The following CTNNA3 variants were observed in gnomAD, a reference collection of about 807,000 sequenced individuals.
CTNNA3 encodes catenin alpha-3.
Under a neutral mutation model 95.7 loss-of-function variants are expected in CTNNA3, and 76 were observed. That is an observed-to-expected ratio of 0.79 (90% CI 0.66 to 0.96). The LOEUF is 0.96. CTNNA3 is among the 40% of genes least tolerant of loss of function. The pLI, the probability that CTNNA3 is intolerant of heterozygous loss-of-function variation, is 0.00. For missense variants in CTNNA3, 1,191 were observed against 1,089.8 expected (o/e 1.09, Z -1.31); for synonymous variants, 431 against 374.4 (o/e 1.15, Z -1.74).
intron 14 of CTNNA3, 75 bp downstream of exon 14, chr10:66,103,082 G>C: frequency 8.4e-7 from 1 of 1,189,000 alleles, no homozygotes; most frequent in Non-Finnish European, 1.3e-6. Flanking sequence ...ATTAGAGGCT[G>C]CCTAGATTGA....
intron 5 of CTNNA3, among the ~76,000 whole-genome samples, chr10:67,319,538 C>T (rs79812098): frequency 0.027 from 4,164 of 152,170 alleles, 73 homozygotes; most frequent in Non-Finnish European, 0.042. Flanking sequence ...AAAAAAAGTG[C>T]TAATCATTGA....
chr10:67,045,058 T>A (rs1001014521), intron 7 of CTNNA3, among the ~76,000 whole-genome samples: 2 of 152,180 alleles, frequency 1.3e-5, no homozygotes, highest in Non-Finnish European at 2.9e-5. Flanking sequence ...AACAAGTTTA[T>A]AGATGCCAAA....
chr10:65,959,286 T>A (rs1183805269), intron 17 of CTNNA3, among the ~76,000 whole-genome samples: 1 of 152,138 alleles, frequency 6.6e-6, no homozygotes, highest in South Asian at 2.1e-4. Context: ...CCAGTTACCA[T>A]CTGTCACATC....
rs140741609 is a variant in CTNNA3 at position 67,317,050 on chromosome 10, T to G, written c.580-97180A>C. On this transcript the variant is annotated intron_variant, in intron 5 of 17. Transcript: ENST00000433211. Reference sequence around the variant, plus strand: ...TTCATTTCTTTATGCTTAAAAGCAGTAAATGTTTCAAAAACTGTAGATCTT... The same window carrying G: ...TTCATTTCTTTATGCTTAAAAGCAGGAAATGTTTCAAAAACTGTAGATCTT... Among the ~76,000 whole-genome samples the G allele has an allele frequency of 2.9e-3, 446 of 152,338 alleles. 3 individuals are homozygous for G. The highest frequency in any genetic ancestry group is 0.01 in the African/African-American group (419 of 41,592).
intron 7 of CTNNA3, among the ~76,000 whole-genome samples, chr10:66,940,910 A>T (rs1005818787): frequency 5.3e-5 from 8 of 152,244 alleles, no homozygotes; most frequent in African/African-American, 1.7e-4. Context: ...CAATAACAGT[A>T]TGCAGCCTGC....
intron 7 of CTNNA3, among the ~76,000 whole-genome samples, chr10:67,097,088 T>C (rs554917123): frequency 1.8e-4 from 27 of 152,008 alleles, no homozygotes; most frequent in Middle Eastern, 3.4e-3. Flanking sequence ...CCAGGACCTA[T>C]ACCAGACCTA....
intron 5 of CTNNA3, among the ~76,000 whole-genome samples, chr10:67,346,980 G>A (rs1400599230): frequency 6.6e-6 from 1 of 151,912 alleles, no homozygotes; most frequent in Admixed American, 6.6e-5. Context: ...TCACTCTAAT[G>A]AGTTAAAATT....
intron 15 of CTNNA3, among the ~76,000 whole-genome samples, chr10:66,039,995 A>G (rs7070803): frequency 0.21 from 31,345 of 152,136 alleles, 3,362 homozygotes; most frequent in South Asian, 0.35. Flanking sequence ...AATATCCACC[A>G]TCTACAAGGA....
intron 15 of CTNNA3, among the ~76,000 whole-genome samples, chr10:66,049,461 C>T (rs1257227912): frequency 1.3e-5 from 2 of 152,166 alleles, no homozygotes; most frequent in East Asian, 3.9e-4. Flanking sequence ...GAATAGAAAT[C>T]ATTCTATCAT....
intron 1 of CTNNA3, among the ~76,000 whole-genome samples, chr10:67,749,918 G>A (rs947918481): frequency 6.6e-6 from 1 of 152,082 alleles, no homozygotes; most frequent in Non-Finnish European, 1.5e-5. Flanking sequence ...TAGACCGTGG[G>A]CAACCCGCTT....
At chr10:67,279,161 C>T (rs1302157316) in intron 5 of CTNNA3, among the ~76,000 whole-genome samples, 1 of 152,092 alleles carries the variant, frequency 6.6e-6, no homozygotes, top group Non-Finnish European at 1.5e-5. Context: ...TACATCGAGT[C>T]AGTCATAAAA....
intron 15 of CTNNA3, among the ~76,000 whole-genome samples, chr10:65,989,743 C>T (rs1449241799): frequency 1.3e-5 from 2 of 152,076 alleles, no homozygotes; most frequent in Non-Finnish European, 2.9e-5. Context: ...TCTCTTCTAG[C>T]TATTTTGAAA....
chr10:67,142,976 G>A (rs1464670050), intron 7 of CTNNA3, among the ~76,000 whole-genome samples: 2 of 152,102 alleles, frequency 1.3e-5, no homozygotes, highest in Admixed American at 6.5e-5. Flanking sequence ...AATCATCTGA[G>A]CCTTTAGTGA....
At chr10:66,016,490 T>C (rs536860704) in intron 15 of CTNNA3, among the ~76,000 whole-genome samples, 4 of 152,212 alleles carry the variant, frequency 2.6e-5, no homozygotes, top group Non-Finnish European at 5.9e-5. Flanking sequence ...ATCTGCTCCA[T>C]TAAGCACCTG....
At chr10:67,271,742 A>G (rs1838986163) in intron 5 of CTNNA3, among the ~76,000 whole-genome samples, 1 of 152,208 alleles carries the variant, frequency 6.6e-6, no homozygotes, top group Non-Finnish European at 1.5e-5. Context: ...CAGTAGTAGA[A>G]GTAAGCAAAG....
intron 13 of CTNNA3, among the ~76,000 whole-genome samples, chr10:66,238,655 C>T (rs2089972944): frequency 2.0e-5 from 3 of 149,830 alleles, no homozygotes; most frequent in East Asian, 2.0e-4. Flanking sequence ...AATCTGATCC[C>T]ATTTTGGAAT....
At chr10:67,742,271 T>C (rs1487293585) in intron 1 of CTNNA3, among the ~76,000 whole-genome samples, 3 of 151,204 alleles carry the variant, frequency 2.0e-5, no homozygotes, top group East Asian at 3.9e-4. Context: ...CCTCAGCAAA[T>C]GTAAAAGAAC....
chr10:66,969,297 CTT>C (rs926928735), intron 7 of CTNNA3, among the ~76,000 whole-genome samples: 4 of 151,998 alleles, frequency 2.6e-5, no homozygotes, highest in African/African-American at 9.7e-5. Context: ...ATTTTTATAA[CTT>C]ATCATTACAT....
At chr10:66,661,878 G>C (rs1046175662) in intron 9 of CTNNA3, among the ~76,000 whole-genome samples, 2 of 152,128 alleles carry the variant, frequency 1.3e-5, no homozygotes, top group Non-Finnish European at 2.9e-5. Context: ...TTAATTTTTA[G>C]TGAAAATGTT....
Sources: gnomAD v4.1 joint callset for allele counts (sites outside exome capture counted in the v4.1 genomes callset) on GRCh38, gnomAD v4.1.1 for gene constraint, MANE v1.5 for transcripts, NCBI Gene and HGNC (gene_info 2026-07-23, HGNC 2026-07-21) for gene names.